Variants in FAF1 observed in about 807,000 individuals in gnomAD.
The protein encoded by FAF1 is FAS-associated factor 1.
A neutral mutation model predicts 92.5 loss-of-function variants in FAF1; 25 were observed. That is an observed-to-expected ratio of 0.27 (90% confidence interval 0.20 to 0.38). FAF1 has a LOEUF of 0.38. Among genes scored for constraint, FAF1 ranks in the 10% least tolerant of loss-of-function variants. The pLI is 1.00. For synonymous variants in FAF1, 234 were observed against 273.2 expected (o/e 0.86, Z 1.42); for missense variants, 636 against 793.3 (o/e 0.80, Z 2.38).
At chr1:50,840,153 A>G (rs1644244032) in intron 2 of FAF1, among the ~76,000 whole-genome samples, 1 of 152,054 alleles carries the variant, frequency 6.6e-6, no homozygotes. Flanking sequence ...AAACTGTAAA[A>G]TTTCTAGAAG....
intron 6 of FAF1, among the ~76,000 whole-genome samples, chr1:50,716,315 G>A (rs1042573254): frequency 6.6e-6 from 1 of 152,156 alleles, no homozygotes; most frequent in African/African-American, 2.4e-5. Context: ...TCAGTAGACA[G>A]AAGAATTAGC....
intron 4 of FAF1, among the ~76,000 whole-genome samples, chr1:50,768,381 T>G (rs1462875973): frequency 6.6e-6 from 1 of 152,046 alleles, no homozygotes; most frequent in Non-Finnish European, 1.5e-5. Flanking sequence ...ATTAGATCAC[T>G]GAGGCAAAAG....
chr1:50,585,274 G>C (rs1410725062), intron 9 of FAF1, among the ~76,000 whole-genome samples: 1 of 152,004 alleles, frequency 6.6e-6, no homozygotes, highest in East Asian at 1.9e-4. Context: ...TGTGAAATAT[G>C]GTACACTATC....
intron 1 of FAF1, among the ~76,000 whole-genome samples, chr1:50,934,921 T>C (rs1307946010): frequency 6.6e-6 from 1 of 152,184 alleles, no homozygotes; most frequent in Non-Finnish European, 1.5e-5. Flanking sequence ...TGAATGTTTT[T>C]CCCCCTCCTC....
chr1:50,443,795 G>T (rs1646197136), intron 18 of FAF1, among the ~76,000 whole-genome samples: 1 of 152,132 alleles, frequency 6.6e-6, no homozygotes, highest in Admixed American at 6.5e-5. Flanking sequence ...GACTGGGTAG[G>T]GGCCCTGATC....
At chr1:50,811,294 G>A (rs993880836) in intron 2 of FAF1, among the ~76,000 whole-genome samples, 3 of 152,102 alleles carry the variant, frequency 2.0e-5, no homozygotes, top group East Asian at 3.9e-4. Flanking sequence ...AGCCAAGATC[G>A]AATTACTGCA....
intron 7 of FAF1, among the ~76,000 whole-genome samples, chr1:50,668,364 A>C (rs1655722657): frequency 6.6e-6 from 1 of 152,202 alleles, no homozygotes; most frequent in South Asian, 2.1e-4. Flanking sequence ...AACAGCCCTG[A>C]GAGATACTTA....
chr1:50,516,996 A>G (rs1269274760), intron 15 of FAF1, among the ~76,000 whole-genome samples: 2 of 152,210 alleles, frequency 1.3e-5, no homozygotes, highest in African/African-American at 2.4e-5. Flanking sequence ...TTGTATTTAC[A>G]TATCATTATT....
intron 1 of FAF1, among the ~76,000 whole-genome samples, chr1:50,894,873 G>C (rs186369498): frequency 2.0e-5 from 3 of 152,066 alleles, no homozygotes; most frequent in African/African-American, 7.2e-5. Context: ...TACAGCAAAA[G>C]CAAGAGGGAA....
Position 50,738,931 on chromosome 1 carries a change from C to T in FAF1, c.483G>A (p.Leu161=). ...GGACATAAAGACTGTTGTTTTTTGG[C>T]AAGTGTAGAGATTTTAGGACCGTCT... ...EDSTVLKSLH[L]PKNNSLYVLT... is the part of the protein sequence containing the mutation. Residue 161 remains leucine, a synonymous_variant, in exon 6 of 19, where the codon TTG becomes TTA. Coordinates refer to ENST00000396153, the MANE Select transcript of FAF1 (RefSeq NM_007051.3). 1 of 1,605,550 alleles carries T rather than the reference C, an allele frequency of 6.2e-7. No homozygotes were observed. The highest frequency in any genetic ancestry group is 8.5e-7 in the Non-Finnish European group (1 of 1,175,180).
intron 3 of FAF1, among the ~76,000 whole-genome samples, chr1:50,796,056 CAACAAAAAAAAACAAA>C (rs1360751254): frequency 1.3e-5 from 2 of 150,118 alleles, no homozygotes; most frequent in Non-Finnish European, 3.0e-5. Context: ...AAAACAACAA[CAACAAAAAAAAACAAA>C]AACAAAAAAA....
intron 6 of FAF1, among the ~76,000 whole-genome samples, chr1:50,734,517 G>A (rs1238453862): frequency 6.6e-6 from 1 of 152,004 alleles, no homozygotes; most frequent in Non-Finnish European, 1.5e-5. Flanking sequence ...GGTGGATCAC[G>A]AGGTCAGGAG....
chr1:50,870,147 A>T (rs374095313), intron 1 of FAF1, among the ~76,000 whole-genome samples: 2 of 152,238 alleles, frequency 1.3e-5, no homozygotes, highest in African/African-American at 4.8e-5. Context: ...AGCACCGTGA[A>T]GATATTGCAT....
At chr1:50,772,498 C>A (rs1445506365) in intron 4 of FAF1, among the ~76,000 whole-genome samples, 1 of 152,144 alleles carries the variant, frequency 6.6e-6, no homozygotes, top group Non-Finnish European at 1.5e-5. Context: ...TACATTTACA[C>A]CATGGAATAC....
chr1:50,954,064 T>C (rs535133146), intron 1 of FAF1, among the ~76,000 whole-genome samples: 1 of 152,058 alleles, frequency 6.6e-6, no homozygotes, highest in South Asian at 2.1e-4. Context: ...TTCTCCTGCC[T>C]CAGCCTCCCG....
intron 1 of FAF1, among the ~76,000 whole-genome samples, chr1:50,879,878 A>G (rs549261583): frequency 6.6e-6 from 1 of 152,238 alleles, no homozygotes; most frequent in Non-Finnish European, 1.5e-5. Flanking sequence ...TAAGGCAGTC[A>G]GAAGAAGTAG....
intron 4 of FAF1, among the ~76,000 whole-genome samples, chr1:50,754,271 G>A (rs1659988230): frequency 6.6e-6 from 1 of 152,144 alleles, no homozygotes; most frequent in Admixed American, 6.5e-5. Flanking sequence ...ATGTTACTTA[G>A]ACACAATTTA....
intron 18 of FAF1, among the ~76,000 whole-genome samples, chr1:50,447,585 G>A (rs1646244606): frequency 6.6e-6 from 1 of 152,206 alleles, no homozygotes; most frequent in Non-Finnish European, 1.5e-5. Flanking sequence ...AGCACTGTGA[G>A]TTGAAGGGAC....
At chr1:50,560,458 G>A (rs1008967995) in intron 13 of FAF1, among the ~76,000 whole-genome samples, 2 of 152,194 alleles carry the variant, frequency 1.3e-5, no homozygotes, top group Admixed American at 6.5e-5. Context: ...TATTAAATGT[G>A]TGTACAAAAT....
Sources: allele counts gnomAD v4.1 joint callset (sites outside exome capture counted in the v4.1 genomes callset), GRCh38; gene constraint gnomAD v4.1.1; transcripts MANE v1.5; gene names NCBI Gene and HGNC (gene_info 2026-07-23, HGNC 2026-07-21).